The following ZNF286A variants were observed in gnomAD, a reference collection of about 807,000 sequenced individuals.
The protein encoded by ZNF286A is zinc finger protein ZNF286.
Under a neutral mutation model 49.3 loss-of-function variants are expected in ZNF286A, and 34 were observed. The ratio of observed to expected loss-of-function variants is 0.69; its 90% CI spans 0.52 to 0.92. ZNF286A has a LOEUF of 0.92. Among genes scored for constraint, ZNF286A ranks in the 40% least tolerant of loss-of-function variants. The pLI, the probability that ZNF286A is intolerant of heterozygous loss-of-function variation, is 0.00. For synonymous variants in ZNF286A, 155 were observed against 200.4 expected (o/e 0.77, Z 1.91); for missense variants, 462 against 600.2 (o/e 0.77, Z 2.41).
intron 4 of ZNF286A, 66 bp from the exon 5 acceptor site, chr17:15,708,089 A>G (rs1184167862): frequency 6.7e-6 from 8 of 1,188,626 alleles, no homozygotes; most frequent in Non-Finnish European, 7.8e-6. Flanking sequence ...CTTGAAGAAA[A>G]CTTCCACAAA....
At position 15,718,827 on chromosome 17, in the gene ZNF286A, G is replaced by A. The variant is rs1437624642; in HGVS notation, c.*1537G>A. On this transcript the variant is annotated 3_prime_UTR_variant, in exon 6 of 6. Transcript: ENST00000583566. ...GTTTAATTGGCTCATGGTTCCATGG[G>A]CTGTACAGGAAGTATGACTGGGGAG... 1.4e-5 allele frequency: 2 copies of A among 145,348 alleles called. No homozygotes were observed. Among genetic ancestry groups the A allele is most frequent in the Non-Finnish European group, 3.0e-5 (2 of 66,964 alleles). The allele number at this position is 145,348 out of a possible 1,614,324, so 9.0% of individuals were successfully genotyped here. A position where few individuals can be genotyped will look rare whatever the true frequency, so the allele number is the denominator to read the frequency against.
At chr17:15,710,737 C>A (rs1403344138) in intron 5 of ZNF286A, among the ~76,000 whole-genome samples, 1 of 152,112 alleles carries the variant, frequency 6.6e-6, no homozygotes, top group Admixed American at 6.5e-5. Flanking sequence ...ACCCCAGAGA[C>A]CTATTAGTTT....
chr17:15,717,743 T>C lies in ZNF286A; in HGVS notation c.*453T>C, dbSNP rs1178395531. The C allele has an allele frequency of 6.3e-6, 1 of 159,828 alleles. No individual in the cohort carries two copies. Among genetic ancestry groups the C allele is most frequent in the Non-Finnish European group, 1.4e-5 (1 of 72,504 alleles). The allele number at this position is 159,828 out of a possible 1,614,324, so 9.9% of individuals were successfully genotyped here. A position where few individuals can be genotyped will look rare whatever the true frequency, so the allele number is the denominator to read the frequency against. The stretch of plus-strand genomic sequence containing the variant: ...ACTCCTTGAGATCTAGATACACATA[T>C]GGTATAATTCATCTAGAGTGTAATT... On this transcript the variant is annotated 3_prime_UTR_variant, in exon 6 of 6. Coordinates refer to ENST00000583566, the MANE Select transcript of ZNF286A (RefSeq NM_001130842.2).
In ZNF286A at chr17:15,716,513, A is replaced by G. The variant is rs745887985; in HGVS notation, c.789A>G (p.Arg263=). The G allele has an allele frequency of 1.9e-6, 3 of 1,614,118 alleles. No individual in the cohort carries two copies. In the South Asian group the frequency reaches 3.3e-5, roughly 18 times the overall value. The change falls in exon 6 of 6, where the codon AGA becomes AGG. Residue 263 remains arginine (R), a synonymous_variant. Coordinates refer to ENST00000583566, the MANE Select transcript of ZNF286A (RefSeq NM_001130842.2). The part of the protein sequence containing the change: ...TYHSVLIRHQ[R]VHTGEKPYTC... ...ATTCAGTGCTTATTCGACACCAGAGAGTCCATACTGGAGAGAAACCCTATA... is the reference window on the plus strand; with the variant it reads ...ATTCAGTGCTTATTCGACACCAGAGGGTCCATACTGGAGAGAAACCCTATA...
chr17:15,705,806 C>G (rs530104417), intron 3 of ZNF286A, among the ~76,000 whole-genome samples: 1 of 152,130 alleles, frequency 6.6e-6, no homozygotes, highest in Non-Finnish European at 1.5e-5. Flanking sequence ...TATAATCTTA[C>G]GATATTTTAT....
chr17:15,709,799 T>A (rs1567708330), intron 5 of ZNF286A: 7 of 1,530,716 alleles, frequency 4.6e-6, no homozygotes, highest in Non-Finnish European at 6.1e-6. Flanking sequence ...CTGAACAGTT[T>A]ATTTTTTTTC....
chr17:15,709,623 A>T (rs1990499249), intron 5 of ZNF286A, among the ~76,000 whole-genome samples: 1 of 152,176 alleles, frequency 6.6e-6, no homozygotes, highest in Non-Finnish European at 1.5e-5. Context: ...AGAGATATAT[A>T]CATATGTATG....
intron 3 of ZNF286A, among the ~76,000 whole-genome samples, chr17:15,702,408 C>T (rs1278423957): frequency 6.0e-5 from 9 of 150,796 alleles, no homozygotes; most frequent in African/African-American, 2.0e-4. Flanking sequence ...CCAGCTACTC[C>T]GGAGACTGAG....
intron 4 of ZNF286A, 136 bp downstream of exon 4, chr17:15,706,637 ATC>A: frequency 3.6e-6 from 2 of 550,640 alleles, no homozygotes; most frequent in Non-Finnish European, 6.0e-6. Flanking sequence ...TGTGTAGAAA[ATC>A]TGTTTTTGCT....
In ZNF286A at chr17:15,717,453, T is replaced by C. The variant is rs1366421441; in HGVS notation, c.*163T>C. Reference sequence around the variant, plus strand: ...AGTTTTGAGCCATAAGCAGGTTCTTTATGTCCGTTAATTTGATAATTATGA... The same window carrying C: ...AGTTTTGAGCCATAAGCAGGTTCTTCATGTCCGTTAATTTGATAATTATGA... On this transcript the variant is annotated 3_prime_UTR_variant, in exon 6 of 6. Transcript: ENST00000583566. The C allele has an allele frequency of 4.9e-6, 6 of 1,230,294 alleles. No individual in the cohort carries two copies. The East Asian group carries it at 1.6e-4, about 32-fold the overall frequency. 76.2% of individuals were successfully genotyped at this position (1,230,294 alleles called of 1,614,324 possible).
chr17:15,709,782 G>A (rs1400944630), intron 5 of ZNF286A: 10 of 1,534,122 alleles, frequency 6.5e-6, no homozygotes, highest in Non-Finnish European at 8.8e-6. Context: ...TCCACTGTAT[G>A]AATAAACTGA....
chr17:15,711,870 C>CT (rs369194562), intron 5 of ZNF286A, among the ~76,000 whole-genome samples: 12,577 of 94,096 alleles, frequency 0.13, 1,420 homozygotes, highest in Non-Finnish European at 0.17. Flanking sequence ...GCCCCCCCCC[C>CT]GGCTTTTTTT....
chr17:15,701,847 G>C (rs1989797872), intron 3 of ZNF286A, among the ~76,000 whole-genome samples: 1 of 152,198 alleles, frequency 6.6e-6, no homozygotes, highest in South Asian at 2.1e-4. Flanking sequence ...GTTTGGCTGG[G>C]CGTGGTGGCT....
chr17:15,705,853 G>A (rs1990191179), intron 3 of ZNF286A, among the ~76,000 whole-genome samples: 1 of 152,118 alleles, frequency 6.6e-6, no homozygotes, highest in Non-Finnish European at 1.5e-5. Flanking sequence ...ATAAATTGGA[G>A]CCATTTTCCA....
chr17:15,704,378 T>C lies in ZNF286A; in HGVS notation c.127-2009T>C, dbSNP rs1235939974. ...CCAGGGTCGGTGGAGGAAGCTGCAG[T>C]GCCACTGGCCAGGGCCCGCCCGGCT... On this transcript the variant is annotated intron_variant, in intron 3 of 5. Transcript: ENST00000583566. 1.9e-6 allele frequency: 3 copies of C among 1,609,756 alleles called. No homozygotes were observed. The African/African-American group carries it at 4.0e-5, about 22-fold the overall frequency.
At position 15,718,681 on chromosome 17, in the gene ZNF286A, A is replaced by G. The variant is rs185959575; in HGVS notation, c.*1391A>G. 6.6e-6 allele frequency: 1 copy of G among 151,032 alleles called. No individual in the cohort carries two copies. The highest frequency in any genetic ancestry group is 2.5e-5 in the African/African-American group (1 of 40,606). The allele number at this position is 151,032 out of a possible 1,614,324, so 9.4% of individuals were successfully genotyped here. Reference sequence around the variant, plus strand: ...GAGGATAAGCAGCTTCCCTTCGTGAAGAAGTTGCCATTTCTCTGGCCTTCA... The same window carrying G: ...GAGGATAAGCAGCTTCCCTTCGTGAGGAAGTTGCCATTTCTCTGGCCTTCA... On this transcript the variant is annotated 3_prime_UTR_variant, in exon 6 of 6. Coordinates refer to ENST00000583566, the MANE Select transcript of ZNF286A (RefSeq NM_001130842.2).
intron 4 of ZNF286A, among the ~76,000 whole-genome samples, chr17:15,707,581 A>C (rs1990334043): frequency 6.6e-6 from 1 of 152,172 alleles, no homozygotes; most frequent in South Asian, 2.1e-4. Context: ...TCCTGAGGTA[A>C]GGACTAATTT....
intron 3 of ZNF286A, among the ~76,000 whole-genome samples, 153 bp from the exon 4 acceptor site, chr17:15,706,234 C>G (rs1255623150): frequency 1.3e-5 from 2 of 152,092 alleles, no homozygotes; most frequent in East Asian, 3.8e-4. Flanking sequence ...TAAAATACTC[C>G]GAATCTGACG....
rs533339320 is a variant in ZNF286A, at chr17:15,704,072, T to A, written c.127-2315T>A. ...TTCTCTTATTATTATTATTATTTTT[T>A]TTTTTTTGCTTTTCCAACTTTATTT... On this transcript the variant is annotated intron_variant, in intron 3 of 5. Coordinates refer to ENST00000583566, the MANE Select transcript of ZNF286A (RefSeq NM_001130842.2). Among the ~76,000 whole-genome samples, 1,451 of 146,902 alleles carry A rather than the reference T, an allele frequency of 9.9e-3. 11 individuals are homozygous for A. Among genetic ancestry groups the A allele is most frequent in the Middle Eastern group, 0.021 (6 of 288 alleles).
Sources: gnomAD v4.1 joint callset for allele counts (sites outside exome capture counted in the v4.1 genomes callset) on GRCh38, gnomAD v4.1.1 for gene constraint, MANE v1.5 for transcripts, NCBI Gene and HGNC (gene_info 2026-07-23, HGNC 2026-07-21) for gene names.